Variants in SUPT6H observed in about 807,000 individuals in gnomAD.
The protein encoded by SUPT6H is SPT6 homolog, histone chaperone and transcription elongation factor.
In SUPT6H, 11 loss-of-function variants were observed where a neutral mutation model predicts 222.3. The ratio of observed to expected loss-of-function variants is 0.05; its 90% CI spans 0.03 to 0.08. The LOEUF is 0.08. Ranked by LOEUF, SUPT6H falls within the 10% of genes least tolerant of loss-of-function variation. The probability of loss-of-function intolerance (pLI) is 1.00; values close to 1 mark genes in which losing one functional copy is unlikely to be tolerated. For missense variants in SUPT6H, 1,422 were observed against 2,216.0 expected, an observed-to-expected ratio of 0.64 and a Z score of 7.19; for synonymous variants, 762 against 801.2, an observed-to-expected ratio of 0.95 and a Z score of 0.83.
chr17:28,701,405 A>G lies in SUPT6H; in HGVS notation c.4995-34A>G, dbSNP rs561011365. The G allele has an allele frequency of 6.4e-5, 103 of 1,602,250 alleles. 1 individual carries two copies. In the South Asian group the frequency reaches 1.1e-3, roughly 17 times the overall value. On this transcript the variant is annotated intron_variant, in intron 36 of 36. Transcript: ENST00000314616. ...ATTGGTGGGAAGACTTCCTTCTAGC[A>G]AAGTCCCAATCTCAACTTTTCTTCC...
rs915227083 is a variant in SUPT6H, at chr17:28,682,181, A to G, written c.1597+201A>G. On this transcript the variant is annotated intron_variant, in intron 13 of 36. Coordinates refer to ENST00000314616, the MANE Select transcript of SUPT6H (RefSeq NM_003170.5). ...CGACATGATGGTTCAGCCTCTCCCT[A>G]ATTTCCTGAGATAATGGGAAACTCA... 4 of 490,926 alleles carry G rather than the reference A, an allele frequency of 8.1e-6. No individual in the cohort carries two copies. The South Asian group carries it at 1.2e-4, about 15-fold the overall frequency. The allele number at this position is 490,926 out of a possible 1,614,324, so 30.4% of individuals were successfully genotyped here. A position where few individuals can be genotyped will look rare whatever the true frequency, so the allele number is the denominator to read the frequency against.
At position 28,690,016 on chromosome 17, in the gene SUPT6H, C is replaced by T. The variant is rs915583696; in HGVS notation, c.3343-66C>T. On this transcript the variant is annotated intron_variant, in intron 25 of 36. Coordinates refer to ENST00000314616, the MANE Select transcript of SUPT6H (RefSeq NM_003170.5). ...CATCTGGAGAGGCCCGCCCCTTCCA[C>T]GGGACTCCTTGAGGCTCAGGTTGGG... 1.1e-4 allele frequency: 169 copies of T among 1,552,018 alleles called. 2 individuals are homozygous for T. In the East Asian group the frequency reaches 3.3e-3, roughly 31 times the overall value.
chr17:28,698,076 A>G, intron 32 of SUPT6H, 46 bp downstream of exon 32: 1 of 1,584,006 alleles, frequency 6.3e-7, no homozygotes, highest in African/African-American at 1.3e-5. Context: ...GTTCATAGGC[A>G]GGCTAGAAGG....
chr17:28,666,378 C>A (rs998061639), intron 1 of SUPT6H, among the ~76,000 whole-genome samples: 5 of 152,156 alleles, frequency 3.3e-5, no homozygotes, highest in Admixed American at 1.3e-4. Flanking sequence ...GGTTTGCCAA[C>A]CCCTGTGCTA....
intron 11 of SUPT6H, among the ~76,000 whole-genome samples, chr17:28,679,462 T>A (rs574287539): frequency 6.6e-6 from 1 of 152,082 alleles, no homozygotes. Context: ...GGCAAGAGTA[T>A]CACTTCAGCC....
chr17:28,681,807 T>C, intron 12 of SUPT6H, 75 bp from the exon 13 acceptor site: 1 of 1,335,962 alleles, frequency 7.5e-7, no homozygotes, highest in Non-Finnish European at 1.0e-6. Context: ...CCTTTGAGGC[T>C]TCTCTCCTAA....
At position 28,675,069 on chromosome 17, in the gene SUPT6H, A is replaced by G; in HGVS notation, c.445A>G (p.Ile149Val). Residue 149 changes from isoleucine (I) to valine (V), a missense_variant, in exon 5 of 37, where the codon ATC (isoleucine) becomes GTC (valine). Ile to Val is a conservative substitution (Grantham distance 29). Coordinates refer to ENST00000314616, the MANE Select transcript of SUPT6H (RefSeq NM_003170.5). ...EHEKEAIAEE[I>V]FQDGEGEEGQ... ...TGAAAAAGAAGCTATTGCGGAAGAA[A>G]TCTTCCAGGATGGGGAAGGGGAAGA... is the stretch of plus-strand genomic sequence containing the variant. The G allele has an allele frequency of 6.2e-7, 1 of 1,614,122 alleles. No individual in the cohort carries two copies. Among genetic ancestry groups the G allele is most frequent in the Non-Finnish European group, 8.5e-7 (1 of 1,180,020 alleles).
At position 28,665,661 on chromosome 17, in the gene SUPT6H, G is replaced by T. The variant is rs528970918; in HGVS notation, c.-32+3319G>T. 6.6e-5 allele frequency among the ~76,000 whole-genome samples: 10 copies of T among 152,330 alleles called. No individual in the cohort carries two copies. The South Asian group carries it at 1.9e-3, about 28-fold the overall frequency. ...GCCTGTAATCCCAGCTACTTGGGAG[G>T]CTGAGGCAGGAGAATTGCTTGAACC... On this transcript the variant is annotated intron_variant, in intron 1 of 36. Transcript: ENST00000314616.
At chr17:28,693,123 T>C (rs1016068555) in intron 27 of SUPT6H, among the ~76,000 whole-genome samples, 2 of 152,058 alleles carry the variant, frequency 1.3e-5, no homozygotes, top group African/African-American at 2.4e-5. Context: ...TGAACCCTGA[T>C]TGCACCACTA....
chr17:28,676,476 T>G, intron 7 of SUPT6H, 46 bp downstream of exon 7: 1 of 1,608,308 alleles, frequency 6.2e-7, no homozygotes, highest in Non-Finnish European at 8.5e-7. Flanking sequence ...CATAATTACC[T>G]TGTAGCCAAG....
chr17:28,678,974 C>A lies in SUPT6H; in HGVS notation c.1349+11C>A. On this transcript the variant is annotated intron_variant, in intron 11 of 36. Coordinates refer to ENST00000314616, the MANE Select transcript of SUPT6H (RefSeq NM_003170.5). Reference sequence around the variant, plus strand: ...CACTGACATGGAGAGGTAAAACATGCGGTGTTTATTCCATTATGGGAAGCC... The same window carrying A: ...CACTGACATGGAGAGGTAAAACATGAGGTGTTTATTCCATTATGGGAAGCC... 1 of 1,614,058 alleles carries A rather than the reference C, an allele frequency of 6.2e-7. No homozygotes were observed. The highest frequency in any genetic ancestry group is 8.5e-7 in the Non-Finnish European group (1 of 1,179,972).
At chr17:28,698,643 C>T (rs2032019794) in intron 32 of SUPT6H, among the ~76,000 whole-genome samples, 1 of 152,258 alleles carries the variant, frequency 6.6e-6, no homozygotes, top group Non-Finnish European at 1.5e-5. Context: ...CTGGTAATCA[C>T]ACTTGCTTCT....
At chr17:28,697,528 C>A in intron 30 of SUPT6H, 92 bp from the exon 31 acceptor site, 1 of 993,766 alleles carries the variant, frequency 1.0e-6, no homozygotes, top group Non-Finnish European at 1.5e-6. Context: ...ACTGAGAAGC[C>A]CATCCCCTCC....
At position 28,684,645 on chromosome 17, in the gene SUPT6H, G is replaced by C. The variant is rs908587649; in HGVS notation, c.2289G>C (p.Gln763His). ...TGGCACCCTACCGACCAGATCAGCAGGTGGAAGAAGATGACGACTTTATGG... is the reference window on the plus strand; with the variant it reads ...TGGCACCCTACCGACCAGATCAGCACGTGGAAGAAGATGACGACTTTATGG... ...LRVAPYRPDQ[Q>H]VEEDDDFMDE... The change falls in exon 18 of 37, where the codon CAG (glutamine) becomes CAC (histidine). Residue 763 changes from glutamine (Q) to histidine (H), a missense_variant. By Grantham distance (24) the Gln-to-His change is conservative (BLOSUM62 0). Coordinates refer to ENST00000314616, the MANE Select transcript of SUPT6H (RefSeq NM_003170.5). 7 of 1,614,030 alleles carry C rather than the reference G, an allele frequency of 4.3e-6. No individual in the cohort carries two copies. The highest frequency in any genetic ancestry group is 5.9e-6 in the Non-Finnish European group (7 of 1,180,040).
chr17:28,667,477 ATGTG>A (rs1222498003), intron 1 of SUPT6H, among the ~76,000 whole-genome samples: 1 of 134,842 alleles, frequency 7.4e-6, no homozygotes, highest in Non-Finnish European at 1.5e-5. Flanking sequence ...ATGTGTATAT[ATGTG>A]TGTGTATATA....
At position 28,700,520 on chromosome 17, in the gene SUPT6H, G is replaced by A. The variant is rs2032089529; in HGVS notation, c.4806+8G>A. 5.6e-6 allele frequency: 9 copies of A among 1,611,490 alleles called. No individual in the cohort carries two copies. The South Asian group carries it at 9.9e-5, about 18-fold the overall frequency. On this transcript the variant is annotated splice_region_variant and intron_variant, in intron 35 of 36. Transcript: ENST00000314616. Reference sequence around the variant, plus strand: ...GGCAGCAGTGCTTACCACGTATGTGGCTTGGGGAGGAAGCTCCCTGTGCAG... The same window carrying A: ...GGCAGCAGTGCTTACCACGTATGTGACTTGGGGAGGAAGCTCCCTGTGCAG...
At chr17:28,680,543 C>T (rs1002057078) in intron 11 of SUPT6H, among the ~76,000 whole-genome samples, 5 of 152,100 alleles carry the variant, frequency 3.3e-5, no homozygotes, top group East Asian at 1.9e-4. Flanking sequence ...TGCAGTGAGC[C>T]GAAATCACGC....
rs780765032 is a variant in SUPT6H, at chr17:28,697,025, G to A, written c.4152G>A (p.Arg1384=). The change falls in exon 30 of 37, where the codon CGG becomes CGA. Residue 1384 remains arginine, a synonymous_variant. Coordinates refer to ENST00000314616, the MANE Select transcript of SUPT6H (RefSeq NM_003170.5). ...GCATCTACCAGCATGTGGATGTGCG[G>A]GAGGAGGGCAAGGAAAATGCCTTCA... ...SDGIYQHVDV[R]EEGKENAFSL... 3.1e-6 allele frequency: 5 copies of A among 1,613,966 alleles called. No homozygotes were observed. The South Asian group carries it at 5.5e-5, about 18-fold the overall frequency.
chr17:28,678,559 C>G lies in SUPT6H; in HGVS notation c.1131C>G (p.Ala377=). 1 of 1,614,162 alleles carries G rather than the reference C, an allele frequency of 6.2e-7. No individual in the cohort carries two copies. Among genetic ancestry groups the G allele is most frequent in the Non-Finnish European group, 8.5e-7 (1 of 1,180,024 alleles). The change falls in exon 10 of 37, where the codon GCC becomes GCG. Residue 377 remains alanine (A), a synonymous_variant. Coordinates refer to ENST00000314616, the MANE Select transcript of SUPT6H (RefSeq NM_003170.5). ...RNQHFEVPFI[A]FYRKEYVEPE... is the part of the protein sequence containing the mutation. ...TGCCATCCTAGGTGCCTTTTATTGCCTTCTATCGAAAGGAGTATGTGGAGC... is the reference window on the plus strand; with the variant it reads ...TGCCATCCTAGGTGCCTTTTATTGCGTTCTATCGAAAGGAGTATGTGGAGC...
Sources: gnomAD v4.1 joint callset for allele counts (sites outside exome capture counted in the v4.1 genomes callset) on GRCh38, gnomAD v4.1.1 for gene constraint, MANE v1.5 for transcripts, NCBI Gene and HGNC (gene_info 2026-07-23, HGNC 2026-07-21) for gene names.